The following RTL9 variants were observed in gnomAD, a reference collection of about 807,000 sequenced individuals.
The protein encoded by RTL9 is retrotransposon Gag-like protein 9.
Under a neutral mutation model 44.7 loss-of-function variants are expected in RTL9, and 19 were observed. That is an observed-to-expected ratio of 0.42 (90% CI 0.30 to 0.62). RTL9 has a LOEUF of 0.62. RTL9 is among the 20% of genes least tolerant of loss of function. The pLI, the probability that RTL9 is intolerant of heterozygous loss-of-function variation, is 0.16. For missense variants in RTL9, 1,105 were observed against 1,080.6 expected (o/e 1.02, Z -0.32); for synonymous variants, 407 against 398.9 (o/e 1.02, Z -0.24).
chrX:110,403,260 G>C (rs190272694), intron 1 of RTL9, among the ~76,000 whole-genome samples: 1 of 112,199 alleles, frequency 8.9e-6, no homozygotes, highest in Non-Finnish European at 1.9e-5. Context: ...TACAAAATTT[G>C]TGGGCATATT....
Position 110,452,725 on chromosome X carries a change from G to A in RTL9, c.2108G>A (p.Gly703Glu), listed in dbSNP as rs142045830. The change falls in exon 1 of 2, where the codon GGA (glycine) becomes GAA (glutamate). Residue 703 changes from glycine to glutamate, a missense_variant. Gly to Glu is a moderately conservative substitution (Grantham distance 98). Coordinates refer to ENST00000540313, the Ensembl canonical transcript of RTL9. The stretch of plus-strand genomic sequence containing the variant: ...CCACTAATGAGAGCTCAAGACCCAG[G>A]AGTAATGCCTGCCTCACTAATGAGA... The A allele has an allele frequency of 6.4e-5, 77 of 1,209,087 alleles. No homozygotes were observed. In the African/African-American group the frequency reaches 1.1e-3, roughly 17 times the overall value.
chrX:110,395,620 G>A (rs1439095086), intron 1 of RTL9, among the ~76,000 whole-genome samples: 1 of 112,300 alleles, frequency 8.9e-6, no homozygotes, highest in Non-Finnish European at 1.9e-5. Flanking sequence ...TAACTTTTGA[G>A]ACAACCTTTT....
chrX:110,442,247 C>CTCTCTCTCTGTG (rs1556214261), intron 1 of RTL9, among the ~76,000 whole-genome samples: 5 of 97,036 alleles, frequency 5.2e-5, no homozygotes, highest in African/African-American at 7.8e-5. Flanking sequence ...CTCTCTCTCT[C>CTCTCTCTCTGTG]TGTGTGTGTG....
At chrX:110,405,724 C>T (rs1044338477) in intron 1 of RTL9, among the ~76,000 whole-genome samples, 1 of 111,404 alleles carries the variant, frequency 9.0e-6, no homozygotes. Context: ...TGCTATTACC[C>T]TCAATTTCCA....
intron 1 of RTL9, among the ~76,000 whole-genome samples, chrX:110,427,159 G>A (rs1302427152): frequency 1.8e-5 from 2 of 111,934 alleles, no homozygotes; most frequent in Admixed American, 1.9e-4. Context: ...GACATCTCTT[G>A]CCTTGATTCC....
chrX:110,374,606 G>T (rs1019384244), intron 1 of RTL9, among the ~76,000 whole-genome samples: 60 of 112,157 alleles, frequency 5.3e-4, no homozygotes, highest in African/African-American at 1.7e-3. Flanking sequence ...AAACTTAGAA[G>T]TAGGGCTATT....
At chrX:110,442,967 G>A (rs980883298) in intron 1 of RTL9, among the ~76,000 whole-genome samples, 2 of 111,545 alleles carry the variant, frequency 1.8e-5, no homozygotes, top group East Asian at 5.6e-4. Flanking sequence ...CTCTTGGGGA[G>A]TTTGAATACC....
intron 1 of RTL9, among the ~76,000 whole-genome samples, chrX:110,429,853 T>A (rs2068784495): frequency 8.9e-6 from 1 of 112,884 alleles, no homozygotes; most frequent in Admixed American, 9.3e-5. Flanking sequence ...TTTTAATACA[T>A]GTAAAACTTA....
intron 1 of RTL9, among the ~76,000 whole-genome samples, chrX:110,367,536 G>A (rs976754482): frequency 3.6e-5 from 4 of 111,277 alleles, no homozygotes; most frequent in African/African-American, 1.3e-4. Flanking sequence ...AGGACACCAT[G>A]TAATTCTTGG....
At chrX:110,452,519 C>A in exon 1 of RTL9, 1 of 1,211,595 alleles carries the variant, frequency 8.3e-7, no homozygotes, top group Admixed American at 2.2e-5. Flanking sequence ...AAATGACAAC[C>A]ACAGCTTCTG....
exon 1 of RTL9, chrX:110,452,268 A>T: frequency 8.3e-7 from 1 of 1,211,949 alleles, no homozygotes; most frequent in Non-Finnish European, 1.1e-6. Context: ...AGCAATGTCC[A>T]TGCCACAAAT....
intron 1 of RTL9, among the ~76,000 whole-genome samples, chrX:110,381,633 C>A (rs1431147649): frequency 9.0e-6 from 1 of 111,592 alleles, no homozygotes; most frequent in East Asian, 2.8e-4. Flanking sequence ...GTATGTTCAT[C>A]GCAGCACTAT....
At chrX:110,408,804 G>T (rs1362235586) in intron 1 of RTL9, among the ~76,000 whole-genome samples, 1 of 112,629 alleles carries the variant, frequency 8.9e-6, no homozygotes, top group Non-Finnish European at 1.9e-5. Flanking sequence ...GTAGTCCTGT[G>T]TGAGCATTTA....
At chrX:110,419,728 A>G (rs1197605798) in intron 1 of RTL9, among the ~76,000 whole-genome samples, 1 of 112,275 alleles carries the variant, frequency 8.9e-6, no homozygotes. Flanking sequence ...ATTCCATAGG[A>G]AAAAAAATCA....
At chrX:110,432,533 T>C (rs1461801173) in intron 1 of RTL9, among the ~76,000 whole-genome samples, 1 of 111,964 alleles carries the variant, frequency 8.9e-6, no homozygotes, top group East Asian at 2.8e-4. Flanking sequence ...GGAGTGTACA[T>C]GCATGTGTAT....
chrX:110,409,151 G>T (rs984456930), intron 1 of RTL9, among the ~76,000 whole-genome samples: 1 of 111,281 alleles, frequency 9.0e-6, no homozygotes, highest in East Asian at 2.8e-4. Flanking sequence ...ATGTAGGTCA[G>T]CATAGTCGGG....
At chrX:110,429,458 GTTTTT>G (rs554736940) in intron 1 of RTL9, among the ~76,000 whole-genome samples, 1 of 80,934 alleles carries the variant, frequency 1.2e-5, no homozygotes, top group African/African-American at 4.5e-5. Flanking sequence ...GAGAAAAAGT[GTTTTT>G]TTTTTTTTTT....
chrX:110,386,968 T>C (rs1325248328), intron 1 of RTL9, among the ~76,000 whole-genome samples: 1 of 112,395 alleles, frequency 8.9e-6, no homozygotes, highest in Non-Finnish European at 1.9e-5. Context: ...GAGCACTATA[T>C]GATTAATTTC....
At chrX:110,421,648 C>T (rs895858192) in intron 1 of RTL9, among the ~76,000 whole-genome samples, 1 of 112,954 alleles carries the variant, frequency 8.9e-6, no homozygotes, top group Non-Finnish European at 1.9e-5. Flanking sequence ...GTAAACAAAG[C>T]TCAAATTCAT....
Sources: allele counts gnomAD v4.1 joint callset (sites outside exome capture counted in the v4.1 genomes callset), GRCh38; gene constraint gnomAD v4.1.1; transcripts MANE v1.5; gene names NCBI Gene and HGNC (gene_info 2026-07-23, HGNC 2026-07-21).